The following FOXJ3 variants were observed in gnomAD, a reference collection of about 807,000 sequenced individuals.
FOXJ3 encodes forkhead box protein J3.
A neutral mutation model predicts 76.1 loss-of-function variants in FOXJ3; 22 were observed. That is an observed-to-expected ratio of 0.29 (90% CI 0.21 to 0.41). FOXJ3 has a LOEUF of 0.41. Ranked by LOEUF, FOXJ3 falls within the 10% of genes least tolerant of loss-of-function variation. FOXJ3 has a pLI of 1.00. For missense variants in FOXJ3, 613 were observed against 762.1 expected (o/e 0.80, Z 2.30); for synonymous variants, 269 against 261.2 (o/e 1.03, Z -0.29).
chr1:42,275,028 GA>G (rs1652156048), intron 3 of FOXJ3, among the ~76,000 whole-genome samples: 1 of 152,138 alleles, frequency 6.6e-6, no homozygotes. Flanking sequence ...AAATAAAGCT[GA>G]AAAGGTAGAT....
At chr1:42,263,930 C>CT (rs61375062) in intron 4 of FOXJ3, among the ~76,000 whole-genome samples, 2,645 of 71,394 alleles carry the variant, frequency 0.037, 299 homozygotes, top group African/African-American at 0.11. Context: ...AGTAGGTTAA[C>CT]TTTTTTTTTT....
intron 3 of FOXJ3, among the ~76,000 whole-genome samples, chr1:42,265,442 A>T (rs1651390167): frequency 6.6e-6 from 1 of 152,196 alleles, no homozygotes; most frequent in Non-Finnish European, 1.5e-5. Context: ...TTAAGTGCTT[A>T]TGACTTTTAT....
intron 4 of FOXJ3, among the ~76,000 whole-genome samples, chr1:42,258,812 C>T (rs902412954): frequency 5.3e-5 from 8 of 152,094 alleles, no homozygotes; most frequent in Non-Finnish European, 1.0e-4. Flanking sequence ...CTTTTAGAAA[C>T]TTTAAGTTAG....
At chr1:42,327,336 G>C (rs371866494) in intron 1 of FOXJ3, among the ~76,000 whole-genome samples, 5 of 152,120 alleles carry the variant, frequency 3.3e-5, no homozygotes, top group Admixed American at 2.0e-4. Context: ...ACCTCCTGCC[G>C]TAACAGTCTG....
chr1:42,237,427 T>TATATATATATATATATACACAC (rs1166082659), intron 4 of FOXJ3, among the ~76,000 whole-genome samples: 2 of 129,918 alleles, frequency 1.5e-5, no homozygotes, highest in African/African-American at 5.4e-5. Context: ...TATATATATA[T>TATATATATATATATATACACAC]ACATACATAC....
intron 1 of FOXJ3, among the ~76,000 whole-genome samples, chr1:42,328,705 T>C (rs535279910): frequency 6.9e-6 from 1 of 145,838 alleles, no homozygotes; most frequent in East Asian, 2.0e-4. Flanking sequence ...TTTGAGACAA[T>C]GTCTTACTCC....
chr1:42,176,755 GAGC>G lies in FOXJ3; in HGVS notation c.*2952_*2954del, dbSNP rs2124055195. On this transcript the variant is annotated 3_prime_UTR_variant, in exon 13 of 13. Transcript: ENST00000361346. ...ACTGACTGTCCAACAGCAGTACAGA[GAGC>G]AGGTTGTATCTGCACAAAAAGCCAA... 6.5e-6 allele frequency: 1 copy of G among 152,716 alleles called. No homozygotes were observed. The highest frequency in any genetic ancestry group is 2.4e-5 in the African/African-American group (1 of 41,556). The allele number at this position is 152,716 out of a possible 1,614,324, so 9.5% of individuals were successfully genotyped here.
At chr1:42,240,372 T>C (rs908153269) in intron 4 of FOXJ3, among the ~76,000 whole-genome samples, 1 of 152,168 alleles carries the variant, frequency 6.6e-6, no homozygotes, top group Non-Finnish European at 1.5e-5. Flanking sequence ...TCCTAAAATA[T>C]ATATTGTAAT....
chr1:42,253,833 T>C (rs1157988456), intron 4 of FOXJ3, among the ~76,000 whole-genome samples: 15 of 151,682 alleles, frequency 9.9e-5, no homozygotes, highest in African/African-American at 2.7e-4. Context: ...TAAAGACTTA[T>C]ATGTTAGACC....
At chr1:42,223,023 C>T (rs1456605502) in intron 5 of FOXJ3, among the ~76,000 whole-genome samples, 1 of 152,206 alleles carries the variant, frequency 6.6e-6, no homozygotes, top group Non-Finnish European at 1.5e-5. Context: ...AAAATACCTT[C>T]TATACTTTAC....
At chr1:42,251,932 T>C (rs992518060) in intron 4 of FOXJ3, among the ~76,000 whole-genome samples, 18 of 152,136 alleles carry the variant, frequency 1.2e-4, no homozygotes, top group African/African-American at 4.3e-4. Flanking sequence ...TTAGCCAGGA[T>C]GGTCTCGATC....
At chr1:42,251,665 G>A (rs1266001986) in intron 4 of FOXJ3, among the ~76,000 whole-genome samples, 2 of 149,846 alleles carry the variant, frequency 1.3e-5, no homozygotes, top group Admixed American at 6.6e-5. Flanking sequence ...TGATCATGGT[G>A]GATAAGCTTT....
At chr1:42,188,239 C>A (rs569065464) in intron 11 of FOXJ3, among the ~76,000 whole-genome samples, 1 of 151,954 alleles carries the variant, frequency 6.6e-6, no homozygotes, top group Non-Finnish European at 1.5e-5. Context: ...AGGAAGAAAG[C>A]GAGATTTAAA....
chr1:42,329,015 T>A (rs1189931011), intron 1 of FOXJ3, among the ~76,000 whole-genome samples: 1 of 152,162 alleles, frequency 6.6e-6, no homozygotes, highest in Non-Finnish European at 1.5e-5. Context: ...TGACACTGTA[T>A]GAGTCTCATT....
chr1:42,228,617 T>C lies in FOXJ3; in HGVS notation c.445-651A>G, dbSNP rs544331543. ...AGCATAGATCCATAGATAATATAAG[T>C]TTGCAAATATTATACAAACAAGAAG... On this transcript the variant is annotated intron_variant, in intron 4 of 12. Transcript: ENST00000361346. Among the ~76,000 whole-genome samples, 2 of 145,584 alleles carry C rather than the reference T, an allele frequency of 1.4e-5. 1 individual carries two copies. The highest frequency in any genetic ancestry group is 5.0e-5 in the African/African-American group (2 of 39,784).
intron 2 of FOXJ3, among the ~76,000 whole-genome samples, chr1:42,282,383 C>T (rs1652778365): frequency 6.6e-6 from 1 of 152,108 alleles, no homozygotes. Context: ...TCAATGGCTC[C>T]CTAACTCCTA....
chr1:42,330,800 C>T (rs1656114083), intron 1 of FOXJ3, among the ~76,000 whole-genome samples: 1 of 152,258 alleles, frequency 6.6e-6, no homozygotes, highest in South Asian at 2.1e-4. Context: ...ACCTGCTCCA[C>T]CAATTACTTA....
chr1:42,203,498 A>G (rs891364814), intron 6 of FOXJ3, among the ~76,000 whole-genome samples: 1 of 152,200 alleles, frequency 6.6e-6, no homozygotes, highest in African/African-American at 2.4e-5. Flanking sequence ...TCTTACTCTC[A>G]GAACAAAATT....
At chr1:42,236,076 A>T (rs1442001347) in intron 4 of FOXJ3, among the ~76,000 whole-genome samples, 1 of 152,202 alleles carries the variant, frequency 6.6e-6, no homozygotes, top group African/African-American at 2.4e-5. Context: ...CAGTCAATCA[A>T]CGAACACAGG....
Sources: allele counts gnomAD v4.1 joint callset (sites outside exome capture counted in the v4.1 genomes callset), GRCh38; gene constraint gnomAD v4.1.1; transcripts MANE v1.5; gene names NCBI Gene and HGNC (gene_info 2026-07-23, HGNC 2026-07-21).